The following ST6GALNAC5 variants were observed in gnomAD, a reference collection of about 807,000 sequenced individuals.
ST6GALNAC5 encodes the protein alpha-N-acetylgalactosaminide alpha-2,6-sialyltransferase 5.
In ST6GALNAC5, 27 loss-of-function variants were observed where a neutral mutation model predicts 33.6. The observed-to-expected ratio is 0.80, with a 90% CI of 0.59 to 1.11. The LOEUF (loss-of-function observed/expected upper bound fraction) is 1.11, where lower values mean the gene tolerates loss of function less well. Ranked by LOEUF, ST6GALNAC5 falls within the 50% of genes least tolerant of loss-of-function variation. The pLI, the probability that ST6GALNAC5 is intolerant of heterozygous loss-of-function variation, is 0.00. For missense variants in ST6GALNAC5, 428 were observed against 454.0 expected (o/e 0.94, Z 0.52); for synonymous variants, 194 against 171.2 (o/e 1.13, Z -1.04).
At chr1:77,062,632 T>C (rs940378983) in intron 4 of ST6GALNAC5, among the ~76,000 whole-genome samples, 1 of 152,110 alleles carries the variant, frequency 6.6e-6, no homozygotes, top group East Asian at 1.9e-4. Flanking sequence ...ATATTTTGTT[T>C]TGGTAATATC....
At chr1:77,027,151 G>A (rs147403695) in intron 2 of ST6GALNAC5, among the ~76,000 whole-genome samples, 25 of 152,306 alleles carry the variant, frequency 1.6e-4, no homozygotes, top group South Asian at 4.1e-4. Flanking sequence ...ATCCTTTCAC[G>A]GTTCTGTAAT....
chr1:76,941,222 G>A (rs1647326717), intron 2 of ST6GALNAC5, among the ~76,000 whole-genome samples: 2 of 152,022 alleles, frequency 1.3e-5, no homozygotes, highest in Non-Finnish European at 2.9e-5. Flanking sequence ...AATACACAGT[G>A]TTTTGCTTAG....
At chr1:77,009,718 T>C (rs1278401302) in intron 2 of ST6GALNAC5, among the ~76,000 whole-genome samples, 1 of 152,200 alleles carries the variant, frequency 6.6e-6, no homozygotes, top group Non-Finnish European at 1.5e-5. Context: ...TACCTTGTTA[T>C]AGGCGATCTT....
At chr1:76,966,737 T>A (rs1268097781) in intron 2 of ST6GALNAC5, among the ~76,000 whole-genome samples, 1 of 152,230 alleles carries the variant, frequency 6.6e-6, no homozygotes, top group East Asian at 1.9e-4. Flanking sequence ...TGTGGGTTTG[T>A]CATAAATAGC....
chr1:76,923,032 C>G lies in ST6GALNAC5; in HGVS notation c.261+54290C>G, dbSNP rs565521215. Among the ~76,000 whole-genome samples, 38 of 151,906 alleles carry G rather than the reference C, an allele frequency of 2.5e-4. No individual in the cohort carries two copies. The South Asian group carries it at 7.7e-3, about 31-fold the overall frequency. On this transcript the variant is annotated intron_variant, in intron 2 of 4. Coordinates refer to ENST00000477717, the MANE Select transcript of ST6GALNAC5 (RefSeq NM_030965.3). Reference sequence around the variant, plus strand: ...AAATAATGTTGGTGCAATTGAACATCCATAGGCAAAAAGAAAGCCTATAAA... The same window carrying G: ...AAATAATGTTGGTGCAATTGAACATGCATAGGCAAAAAGAAAGCCTATAAA...
At chr1:76,931,486 T>C (rs900124375) in intron 2 of ST6GALNAC5, among the ~76,000 whole-genome samples, 1 of 152,132 alleles carries the variant, frequency 6.6e-6, no homozygotes, top group African/African-American at 2.4e-5. Context: ...GCAAGACATA[T>C]GCATTGAAAT....
intron 2 of ST6GALNAC5, among the ~76,000 whole-genome samples, chr1:77,034,582 C>G (rs1034544144): frequency 6.6e-6 from 1 of 152,164 alleles, no homozygotes; most frequent in Non-Finnish European, 1.5e-5. Flanking sequence ...CCCCCATGGC[C>G]CAGCTTCTGG....
chr1:76,889,594 C>T (rs890095920), intron 2 of ST6GALNAC5, among the ~76,000 whole-genome samples: 6 of 152,120 alleles, frequency 3.9e-5, no homozygotes, highest in African/African-American at 1.4e-4. Flanking sequence ...TGCCATCAGG[C>T]AAATGTCATT....
At chr1:76,901,812 T>G (rs918295268) in intron 2 of ST6GALNAC5, among the ~76,000 whole-genome samples, 1 of 152,228 alleles carries the variant, frequency 6.6e-6, no homozygotes, top group African/African-American at 2.4e-5. Context: ...TATTTTATAG[T>G]TGATTTTAAG....
At chr1:77,056,620 T>A (rs979986402) in intron 4 of ST6GALNAC5, among the ~76,000 whole-genome samples, 2 of 152,250 alleles carry the variant, frequency 1.3e-5, no homozygotes, top group African/African-American at 4.8e-5. Context: ...GGGAAAGTTC[T>A]TACTTGGCGA....
chr1:77,039,211 A>T (rs1206806126), intron 2 of ST6GALNAC5, among the ~76,000 whole-genome samples: 1 of 152,194 alleles, frequency 6.6e-6, no homozygotes, highest in Non-Finnish European at 1.5e-5. Flanking sequence ...TCACTCTTCC[A>T]TGTGCTGTGC....
chr1:76,959,484 A>G (rs535170985), intron 2 of ST6GALNAC5, among the ~76,000 whole-genome samples: 32 of 152,352 alleles, frequency 2.1e-4, no homozygotes, highest in African/African-American at 7.5e-4. Flanking sequence ...ATAAGGAAAC[A>G]TGGCCTAGTT....
intron 2 of ST6GALNAC5, among the ~76,000 whole-genome samples, chr1:76,937,387 C>T (rs994804904): frequency 6.6e-6 from 1 of 151,790 alleles, no homozygotes; most frequent in Non-Finnish European, 1.5e-5. Context: ...ATAACACTAA[C>T]AAAAATAACA....
rs1328209380 is a variant in ST6GALNAC5, at chr1:76,868,435, G to A, written c.16-62G>A. ...GACCACCGCACAGTTGTCCCCGCTG[G>A]GCGCGCTCCTCCGGTGTCTGCGCTC... On this transcript the variant is annotated intron_variant, in intron 1 of 4. Transcript: ENST00000477717. The surrounding 1 kb of genome is among the most constrained non-coding windows in gnomAD (Gnocchi z 4.3). The A allele has an allele frequency of 2.6e-6, 4 of 1,544,316 alleles. No homozygotes were observed. The highest frequency in any genetic ancestry group is 3.5e-6 in the Non-Finnish European group (4 of 1,143,628).
chr1:76,960,075 A>G (rs774180333), intron 2 of ST6GALNAC5, among the ~76,000 whole-genome samples: 22 of 152,106 alleles, frequency 1.4e-4, no homozygotes, highest in Non-Finnish European at 2.6e-4. Context: ...TTAAATATAC[A>G]CTATGTTGGT....
chr1:76,936,060 C>A (rs1647199904), intron 2 of ST6GALNAC5, among the ~76,000 whole-genome samples: 1 of 151,934 alleles, frequency 6.6e-6, no homozygotes, highest in Admixed American at 6.6e-5. Context: ...CACTCTGAAC[C>A]CTAGTGTAGT....
At chr1:76,886,601 G>T (rs186808001) in intron 2 of ST6GALNAC5, among the ~76,000 whole-genome samples, 2 of 152,176 alleles carry the variant, frequency 1.3e-5, no homozygotes, top group Non-Finnish European at 2.9e-5. Flanking sequence ...TCATTTTGCC[G>T]CCTGAGCTCT....
intron 4 of ST6GALNAC5, among the ~76,000 whole-genome samples, chr1:77,062,390 G>T (rs1399431274): frequency 2.0e-5 from 3 of 152,154 alleles, no homozygotes; most frequent in Non-Finnish European, 2.9e-5. Flanking sequence ...AACTCAGAGA[G>T]GGTATTCCAG....
At chr1:77,006,524 TA>T (rs1190945374) in intron 2 of ST6GALNAC5, among the ~76,000 whole-genome samples, 1 of 151,964 alleles carries the variant, frequency 6.6e-6, no homozygotes, top group Non-Finnish European at 1.5e-5. Flanking sequence ...GGTTTCACCA[TA>T]TTGCCCAGGC....
Sources: allele counts gnomAD v4.1 joint callset (sites outside exome capture counted in the v4.1 genomes callset), GRCh38; gene constraint gnomAD v4.1.1; non-coding constraint Gnocchi (gnomAD v3.1); transcripts MANE v1.5; gene names NCBI Gene and HGNC (gene_info 2026-07-23, HGNC 2026-07-21).